The following CSNK2A2IP variants were observed in gnomAD, a reference collection of about 807,000 sequenced individuals.
CSNK2A2IP encodes casein kinase 2 subunit alpha' interacting protein.
the CSNK2A2IP span, among the ~76,000 whole-genome samples, chr3:88,438,591 G>A: frequency 6.6e-6 from 1 of 152,076 alleles, no homozygotes; most frequent in African/African-American, 2.4e-5. Flanking sequence ...TACGATGAAG[G>A]AAGACCGCAC....
At chr3:88,392,657 T>C in the CSNK2A2IP span, among the ~76,000 whole-genome samples, 1 of 152,174 alleles carries the variant, frequency 6.6e-6, no homozygotes, top group Admixed American at 6.6e-5. Context: ...AAGACATTAG[T>C]GACTTTGATA....
the CSNK2A2IP span, among the ~76,000 whole-genome samples, chr3:88,363,830 A>G: frequency 2.6e-5 from 4 of 152,160 alleles, no homozygotes; most frequent in East Asian, 1.9e-4. Context: ...AATCACCTGT[A>G]TATAATAAAT....
the CSNK2A2IP span, among the ~76,000 whole-genome samples, chr3:88,343,481 G>A: frequency 1.3e-5 from 2 of 151,810 alleles, no homozygotes; most frequent in Non-Finnish European, 2.9e-5. Flanking sequence ...TACTAGGCGT[G>A]GTTATGAGTC....
the CSNK2A2IP span, among the ~76,000 whole-genome samples, chr3:88,384,398 A>G: frequency 6.6e-6 from 1 of 151,880 alleles, no homozygotes; most frequent in South Asian, 2.1e-4. Context: ...AAAAAACACT[A>G]GCCATCTGAA....
the CSNK2A2IP span, among the ~76,000 whole-genome samples, chr3:88,348,329 G>T: frequency 6.6e-6 from 1 of 151,948 alleles, no homozygotes; most frequent in Non-Finnish European, 1.5e-5. Context: ...GTTACTCTAA[G>T]GCTTTATCAA....
At chr3:88,391,953 G>A in the CSNK2A2IP span, among the ~76,000 whole-genome samples, 3 of 152,172 alleles carry the variant, frequency 2.0e-5, no homozygotes, top group East Asian at 1.9e-4. Context: ...ATAGTGAGGA[G>A]GTGATTGCAG....
chr3:88,458,295 C>T, the CSNK2A2IP span, among the ~76,000 whole-genome samples: 1 of 151,930 alleles, frequency 6.6e-6, no homozygotes, highest in Admixed American at 6.6e-5. Flanking sequence ...GGATTACAGG[C>T]ATGCGCCACC....
the CSNK2A2IP span, among the ~76,000 whole-genome samples, chr3:88,441,049 G>C: frequency 6.6e-6 from 1 of 152,144 alleles, no homozygotes; most frequent in Non-Finnish European, 1.5e-5. Context: ...AAGGATAGTA[G>C]AATTTAATAA....
the CSNK2A2IP span, among the ~76,000 whole-genome samples, chr3:88,458,528 T>C: frequency 2.6e-5 from 4 of 152,180 alleles, no homozygotes; most frequent in Non-Finnish European, 5.9e-5. Flanking sequence ...CACCTATCAA[T>C]ATACTTGATT....
chr3:88,462,596 C>T, the CSNK2A2IP span, among the ~76,000 whole-genome samples: 363 of 152,160 alleles, frequency 2.4e-3, 2 homozygotes, highest in Non-Finnish European at 2.3e-3. Context: ...TGGTGGCATT[C>T]TACAGAAAAC....
chr3:88,417,760 CTT>C, the CSNK2A2IP span, among the ~76,000 whole-genome samples: 18 of 152,142 alleles, frequency 1.2e-4, no homozygotes, highest in Non-Finnish European at 2.6e-4. Context: ...TAAATCAGCT[CTT>C]TCTTTTTTCT....
At chr3:88,456,705 A>G in the CSNK2A2IP span, among the ~76,000 whole-genome samples, 31 of 151,152 alleles carry the variant, frequency 2.1e-4, 1 homozygote, top group African/African-American at 7.6e-4. Flanking sequence ...GAACCATTTG[A>G]AAATACTGAT....
At chr3:88,412,811 C>T in the CSNK2A2IP span, among the ~76,000 whole-genome samples, 1 of 151,882 alleles carries the variant, frequency 6.6e-6, no homozygotes, top group Non-Finnish European at 1.5e-5. Context: ...GGAGATAGTA[C>T]CACACCGGTA....
chr3:88,358,933 G>T, the CSNK2A2IP span, among the ~76,000 whole-genome samples: 14 of 150,754 alleles, frequency 9.3e-5, no homozygotes, highest in African/African-American at 2.7e-4. Flanking sequence ...AACGTTGGTA[G>T]AATTCAGCAG....
the CSNK2A2IP span, among the ~76,000 whole-genome samples, chr3:88,452,228 A>G: frequency 1.3e-5 from 2 of 151,860 alleles, no homozygotes; most frequent in Admixed American, 1.3e-4. Context: ...TCATAAGGGA[A>G]GAGAGCAGGT....
the CSNK2A2IP span, among the ~76,000 whole-genome samples, chr3:88,462,157 T>G: frequency 6.6e-6 from 1 of 150,936 alleles, no homozygotes; most frequent in Non-Finnish European, 1.5e-5. Flanking sequence ...TTTTTTTACA[T>G]TCTGTGATTT....
the CSNK2A2IP span, among the ~76,000 whole-genome samples, chr3:88,443,849 C>A: frequency 2.6e-5 from 4 of 151,264 alleles, no homozygotes; most frequent in Non-Finnish European, 5.9e-5. Context: ...CTTTGCTACT[C>A]ACCAGTTTTC....
chr3:88,355,985 C>G, the CSNK2A2IP span, among the ~76,000 whole-genome samples: 1 of 151,904 alleles, frequency 6.6e-6, no homozygotes, highest in African/African-American at 2.4e-5. Context: ...GTTGTACATA[C>G]GTATGGGGTA....
chr3:88,436,463 C>T, the CSNK2A2IP span, among the ~76,000 whole-genome samples: 1 of 152,006 alleles, frequency 6.6e-6, no homozygotes, highest in Admixed American at 6.6e-5. Flanking sequence ...CACTTCTGGC[C>T]ATATTCCTTA....
Sources: gnomAD v4.1 joint callset for allele counts (sites outside exome capture counted in the v4.1 genomes callset) on GRCh38, gnomAD v4.1.1 for gene constraint, MANE v1.5 for transcripts, NCBI Gene and HGNC (gene_info 2026-07-23, HGNC 2026-07-21) for gene names.